The following TXNDC16 variants were observed in gnomAD, a reference collection of about 807,000 sequenced individuals.
TXNDC16 encodes the protein thioredoxin domain containing 16.
A neutral mutation model predicts 85.6 loss-of-function variants in TXNDC16; 74 were observed. The ratio of observed to expected loss-of-function variants is 0.86; its 90% confidence interval spans 0.72 to 1.05. The LOEUF is 1.05. TXNDC16 is among the 50% of genes least tolerant of loss of function. TXNDC16 has a pLI of 0.00. For synonymous variants in TXNDC16, 335 were observed against 326.5 expected (o/e 1.03, Z -0.28); for missense variants, 959 against 947.0 (o/e 1.01, Z -0.17).
At chr14:52,539,081 TG>T (rs1219994606) in intron 4 of TXNDC16, among the ~76,000 whole-genome samples, 1 of 152,236 alleles carries the variant, frequency 6.6e-6, no homozygotes, top group Non-Finnish European at 1.5e-5. Context: ...CTAGTCACTT[TG>T]GGTACAGGTA....
chr14:52,533,432 C>A lies in TXNDC16; in HGVS notation c.392+3287G>T, dbSNP rs780553462. ...ACCTCCCTAGATTATACAACGGTCA[C>A]AGAATGGTTTATACATGTGCTCAAA... is the stretch of plus-strand genomic sequence containing the variant. On this transcript the variant is annotated intron_variant, in intron 6 of 20. Coordinates refer to ENST00000281741, the MANE Select transcript of TXNDC16 (RefSeq NM_020784.3). Among the ~76,000 whole-genome samples the A allele has an allele frequency of 2.6e-5, 4 of 152,258 alleles. No homozygotes were observed. The South Asian group carries it at 8.3e-4, about 32-fold the overall frequency.
At chr14:52,452,553 G>A (rs1274240978) in intron 18 of TXNDC16, among the ~76,000 whole-genome samples, 4 of 152,062 alleles carry the variant, frequency 2.6e-5, no homozygotes, top group Non-Finnish European at 5.9e-5. Flanking sequence ...ATTCGTTTTC[G>A]ACAAAGGTTC....
intron 9 of TXNDC16, among the ~76,000 whole-genome samples, chr14:52,500,722 A>T (rs2036637861): frequency 1.3e-5 from 2 of 152,244 alleles, no homozygotes; most frequent in Non-Finnish European, 2.9e-5. Flanking sequence ...TGAATAAATC[A>T]TAACAGCATC....
At chr14:52,440,832 TCAAAC>T in intron 18 of TXNDC16, 108 bp from the exon 19 acceptor site, 2 of 1,019,850 alleles carry the variant, frequency 2.0e-6, no homozygotes, top group Non-Finnish European at 2.8e-6. Flanking sequence ...AAAATGTAAT[TCAAAC>T]ACATTTTCAC....
chr14:52,511,693 T>C (rs2036959530), intron 8 of TXNDC16, among the ~76,000 whole-genome samples: 1 of 152,112 alleles, frequency 6.6e-6, no homozygotes, highest in South Asian at 2.1e-4. Flanking sequence ...TAACCTTTCT[T>C]CCATAAAAAG....
At chr14:52,484,202 G>T (rs545271039) in intron 12 of TXNDC16, among the ~76,000 whole-genome samples, 7 of 150,772 alleles carry the variant, frequency 4.6e-5, no homozygotes, top group East Asian at 4.0e-4. Flanking sequence ...ACAATAAGGG[G>T]GGGGGGTGAT....
chr14:52,495,268 T>C (rs2036504536), intron 9 of TXNDC16, among the ~76,000 whole-genome samples: 1 of 152,248 alleles, frequency 6.6e-6, no homozygotes, highest in Non-Finnish European at 1.5e-5. Flanking sequence ...TGCTGACTAT[T>C]AGGAGCTCAG....
chr14:52,479,577 A>T (rs561746432), intron 14 of TXNDC16, among the ~76,000 whole-genome samples: 2 of 152,078 alleles, frequency 1.3e-5, no homozygotes, highest in Non-Finnish European at 2.9e-5. Flanking sequence ...CTGCAAAAAA[A>T]AAAAATAATA....
chr14:52,477,507 G>T (rs188584772), intron 14 of TXNDC16, among the ~76,000 whole-genome samples: 12 of 152,174 alleles, frequency 7.9e-5, no homozygotes, highest in Admixed American at 4.6e-4. Flanking sequence ...GACACCAAAA[G>T]CGAGCAGGGG....
At chr14:52,479,639 A>G (rs2036101095) in intron 14 of TXNDC16, among the ~76,000 whole-genome samples, 1 of 152,134 alleles carries the variant, frequency 6.6e-6, no homozygotes, top group South Asian at 2.1e-4. Context: ...TCTACAGGGA[A>G]AACTACAAAA....
chr14:52,451,159 T>C (rs183284162), intron 18 of TXNDC16, among the ~76,000 whole-genome samples: 51 of 151,720 alleles, frequency 3.4e-4, no homozygotes, highest in Middle Eastern at 3.4e-3. Flanking sequence ...AGACTATACA[T>C]TGGGTACAGT....
intron 14 of TXNDC16, among the ~76,000 whole-genome samples, chr14:52,476,441 G>T (rs1036303325): frequency 6.6e-6 from 1 of 152,018 alleles, no homozygotes; most frequent in South Asian, 2.1e-4. Context: ...AAAAAATTAT[G>T]CAAGAAGTAA....
At chr14:52,543,028 C>A (rs774085193) in intron 3 of TXNDC16, among the ~76,000 whole-genome samples, 11 of 152,098 alleles carry the variant, frequency 7.2e-5, no homozygotes, top group Admixed American at 6.6e-4. Flanking sequence ...TTGTAAAAAA[C>A]TTAAAATAGT....
intron 18 of TXNDC16, among the ~76,000 whole-genome samples, chr14:52,442,283 T>A (rs1213989339): frequency 1.3e-5 from 2 of 152,144 alleles, no homozygotes; most frequent in Non-Finnish European, 2.9e-5. Context: ...AGATATATCA[T>A]CCTGTATCAG....
At chr14:52,507,029 C>A (rs1396063015) in intron 9 of TXNDC16, among the ~76,000 whole-genome samples, 3 of 152,008 alleles carry the variant, frequency 2.0e-5, no homozygotes, top group Non-Finnish European at 2.9e-5. Flanking sequence ...TCTCTCACCA[C>A]TCTTATTCAA....
chr14:52,439,397 G>T lies in TXNDC16; in HGVS notation c.2004-3C>A. ...CTCTCCCCACTGGAGTATTCTTTCT[G>T]CAAAAGGGAACAATTGAACATATTA... On this transcript the variant is annotated splice_polypyrimidine_tract_variant and splice_region_variant and intron_variant, in intron 19 of 20. Transcript: ENST00000281741. 6.2e-7 allele frequency: 1 copy of T among 1,609,314 alleles called. No individual in the cohort carries two copies. The highest frequency in any genetic ancestry group is 8.5e-7 in the Non-Finnish European group (1 of 1,177,662).
intron 2 of TXNDC16, among the ~76,000 whole-genome samples, chr14:52,543,957 CTTT>C (rs2037889079): frequency 6.6e-6 from 1 of 151,978 alleles, no homozygotes; most frequent in African/African-American, 2.4e-5. Flanking sequence ...TTTTGTTTTT[CTTT>C]ACCTATAGTT....
chr14:52,466,275 C>T (rs1378535642), intron 16 of TXNDC16, among the ~76,000 whole-genome samples: 1 of 150,860 alleles, frequency 6.6e-6, no homozygotes, highest in Non-Finnish European at 1.5e-5. Flanking sequence ...TGCCTGTAGT[C>T]CCAACAACCT....
At chr14:52,530,446 TATTATATA>T (rs2037514826) in intron 6 of TXNDC16, among the ~76,000 whole-genome samples, 1 of 14,720 alleles carries the variant, frequency 6.8e-5, no homozygotes, top group African/African-American at 4.1e-4. Context: ...TATAATATAT[TATTATATA>T]ATAATATATA....
Sources: allele counts gnomAD v4.1 joint callset (sites outside exome capture counted in the v4.1 genomes callset), GRCh38; gene constraint gnomAD v4.1.1; transcripts MANE v1.5; gene names NCBI Gene and HGNC (gene_info 2026-07-23, HGNC 2026-07-21).